UTRN: variants seen among roughly 807,000 people sequenced by gnomAD.
UTRN encodes utrophin.
In UTRN, 283 loss-of-function variants were observed where a neutral mutation model predicts 463.9. The ratio of observed to expected loss-of-function variants is 0.61; its 90% confidence interval spans 0.55 to 0.67. The LOEUF is 0.67. UTRN is among the 30% of genes least tolerant of loss of function. The pLI, the probability that UTRN is intolerant of heterozygous loss-of-function variation, is 0.00. For missense variants in UTRN, 3,922 were observed against 4,084.3 expected (o/e 0.96, Z 1.08); for synonymous variants, 1,442 against 1,431.5 (o/e 1.01, Z -0.17).
chr6:144,367,938 C>T lies in UTRN; in HGVS notation c.80-35185C>T, dbSNP rs929907145. On this transcript the variant is annotated intron_variant, in intron 2 of 74. Transcript: ENST00000367545. ...CTGGGATTACAGGCACCCGCCACCA[C>T]GCCTGGCTGATTTTTGTATTTTTAG... Among the ~76,000 whole-genome samples, 12 of 152,214 alleles carry T rather than the reference C, an allele frequency of 7.9e-5. No homozygotes were observed. In the East Asian group the frequency reaches 1.5e-3, roughly 20 times the overall value.
At chr6:144,676,099 T>C (rs2128681761) in intron 51 of UTRN, among the ~76,000 whole-genome samples, 1 of 152,178 alleles carries the variant, frequency 6.6e-6, no homozygotes, top group East Asian at 1.9e-4. Flanking sequence ...AAATAAATTA[T>C]TGAAATTTCC....
intron 37 of UTRN, among the ~76,000 whole-genome samples, chr6:144,515,342 TTTCAAAGAC>T (rs1420191154): frequency 2.0e-5 from 3 of 152,154 alleles, no homozygotes; most frequent in Admixed American, 6.5e-5. Context: ...TGAGAAAAGG[TTTCAAAGAC>T]TCAGTCAAAG....
chr6:144,844,270 CTT>C (rs543418042), intron 73 of UTRN, among the ~76,000 whole-genome samples: 1 of 143,650 alleles, frequency 7.0e-6, no homozygotes, highest in African/African-American at 2.5e-5. Context: ...CTTTCTCTCT[CTT>C]TTTTTTTTTT....
At chr6:144,743,235 A>G (rs1266898044) in intron 54 of UTRN, among the ~76,000 whole-genome samples, 14 of 152,242 alleles carry the variant, frequency 9.2e-5, no homozygotes. Flanking sequence ...TTAAAACGTA[A>G]GTGTAGAAAA....
intron 52 of UTRN, among the ~76,000 whole-genome samples, chr6:144,698,480 G>A (rs928157903): frequency 6.6e-6 from 1 of 152,250 alleles, no homozygotes; most frequent in African/African-American, 2.4e-5. Flanking sequence ...ATGAAAGGCA[G>A]ACGTGTGCCT....
chr6:144,291,884 G>A lies in UTRN; in HGVS notation c.56G>A (p.Ser19Asn). 1 of 1,613,184 alleles carries A rather than the reference G, an allele frequency of 6.2e-7. No homozygotes were observed. Among genetic ancestry groups the A allele is most frequent in the East Asian group, 2.2e-5 (1 of 44,774 alleles). Residue 19 changes from serine to asparagine, a missense_variant, in exon 2 of 75, where the codon AGT (serine) becomes AAT (asparagine). Ser to Asn is a conservative substitution (Grantham distance 46, BLOSUM62 1). Around this residue, in one of 3 missense-constraint regions of UTRN, gnomAD observed 264 missense variants for 327.9 expected, o/e 0.81. Transcript: ENST00000367545. ...CCTGACAATGGGCAGAACGAATTCA[G>A]TGATATCATTAAGTCCAGATCTGGT... ...ASPDNGQNEFSDIIKSRSDEH... is the reference protein window; with the variant it reads ...ASPDNGQNEFNDIIKSRSDEH...
chr6:144,318,872 A>T (rs1001675675), intron 2 of UTRN, among the ~76,000 whole-genome samples: 1 of 152,148 alleles, frequency 6.6e-6, no homozygotes, highest in Admixed American at 6.5e-5. Flanking sequence ...GGAGTTCAAG[A>T]CCAGCCTTAG....
chr6:144,356,853 GTGTGTGTGTA>G (rs1488318286), intron 2 of UTRN, among the ~76,000 whole-genome samples: 1 of 128,704 alleles, frequency 7.8e-6, no homozygotes, highest in Admixed American at 8.4e-5. Flanking sequence ...AAATATATGT[GTGTGTGTGTA>G]TGTGTGTGTA....
At chr6:144,531,369 G>A (rs1319275186) in intron 42 of UTRN, among the ~76,000 whole-genome samples, 167 bp downstream of exon 42, 1 of 152,006 alleles carries the variant, frequency 6.6e-6, no homozygotes, top group Non-Finnish European at 1.5e-5. Flanking sequence ...TTAAGAAATT[G>A]GTCAATCACA....
chr6:144,797,691 A>C, intron 63 of UTRN, 133 bp from the exon 64 acceptor site: 4 of 883,144 alleles, frequency 4.5e-6, no homozygotes, highest in Non-Finnish European at 6.6e-6. Flanking sequence ...AAGCATTGTG[A>C]CTTAACTGAC....
intron 9 of UTRN, among the ~76,000 whole-genome samples, chr6:144,434,106 C>T (rs371859704): frequency 1.3e-5 from 2 of 152,314 alleles, no homozygotes; most frequent in African/African-American, 2.4e-5. Flanking sequence ...CTCGGGAGGC[C>T]GAGGCTGGCG....
At chr6:144,338,349 C>T (rs933851266) in intron 2 of UTRN, among the ~76,000 whole-genome samples, 2 of 151,834 alleles carry the variant, frequency 1.3e-5, no homozygotes, top group Admixed American at 1.3e-4. Context: ...AAAAAAAACC[C>T]GACATGCTCT....
At chr6:144,738,060 G>T (rs1789634990) in intron 54 of UTRN, among the ~76,000 whole-genome samples, 1 of 152,130 alleles carries the variant, frequency 6.6e-6, no homozygotes, top group South Asian at 2.1e-4. Flanking sequence ...CTAACGAAAG[G>T]TAGATGCAAG....
At chr6:144,740,408 C>G (rs969798018) in intron 54 of UTRN, among the ~76,000 whole-genome samples, 1 of 152,110 alleles carries the variant, frequency 6.6e-6, no homozygotes, top group Non-Finnish European at 1.5e-5. Flanking sequence ...TTTCCTAACA[C>G]CGAGGGAGAA....
At chr6:144,817,231 A>G (rs368380577) in intron 65 of UTRN, among the ~76,000 whole-genome samples, 1 of 152,334 alleles carries the variant, frequency 6.6e-6, no homozygotes, top group East Asian at 1.9e-4. Context: ...TATAAGGTAC[A>G]AGGTCCTATG....
At chr6:144,538,377 AAG>A (rs1433186933) in intron 44 of UTRN, among the ~76,000 whole-genome samples, 1 of 152,000 alleles carries the variant, frequency 6.6e-6, no homozygotes, top group Non-Finnish European at 1.5e-5. Context: ...TTTTTAAAAA[AAG>A]AAATTGTGGG....
intron 58 of UTRN, among the ~76,000 whole-genome samples, chr6:144,764,909 G>A (rs1439802149): frequency 6.6e-6 from 1 of 152,086 alleles, no homozygotes; most frequent in Admixed American, 6.6e-5. Context: ...ACTGTTGTGG[G>A]AACATAGTCC....
At chr6:144,373,083 G>A (rs549437203) in intron 2 of UTRN, among the ~76,000 whole-genome samples, 42 of 152,280 alleles carry the variant, frequency 2.8e-4, no homozygotes, top group Admixed American at 2.2e-3. Flanking sequence ...GTAAAATAGT[G>A]TAGCAGTTTT....
chr6:144,682,966 G>C (rs531805773), intron 52 of UTRN, among the ~76,000 whole-genome samples: 1 of 151,996 alleles, frequency 6.6e-6, no homozygotes, highest in Admixed American at 6.6e-5. Flanking sequence ...TCTCTCGGTC[G>C]GTAATGTTGG....
Sources: gnomAD v4.1 joint callset for allele counts (sites outside exome capture counted in the v4.1 genomes callset) on GRCh38, gnomAD v4.1.1 for gene constraint, gnomAD v4.1.1 regional missense constraint, MANE v1.5 for transcripts, NCBI Gene and HGNC (gene_info 2026-07-23, HGNC 2026-07-21) for gene names.